Variants in ABCA13 observed in about 807,000 individuals in gnomAD.
ABCA13 encodes the protein ATP-binding cassette sub-family A member 13.
Under a neutral mutation model 478.7 loss-of-function variants are expected in ABCA13, and 476 were observed. That is an observed-to-expected ratio of 0.99 (90% CI 0.92 to 1.07). The LOEUF (loss-of-function observed/expected upper bound fraction) is 1.07. Among genes scored for constraint, ABCA13 ranks in the 50% least tolerant of loss-of-function variants. The pLI is 0.00. For missense variants in ABCA13, 6,060 were observed against 5,910.6 expected, an observed-to-expected ratio of 1.03 and a Z score of -0.83; for synonymous variants, 2,252 against 2,158.9, an observed-to-expected ratio of 1.04 and a Z score of -1.20.
At position 48,594,818 on chromosome 7, in the gene ABCA13, G is replaced by A. The variant is rs370560719; in HGVS notation, c.14744+5G>A. ...TGCGGTGCTGACCTCCCACAGGTGA[G>A]TTCCAGTTTCTCTTGTAGCCATTTC... On this transcript the variant is annotated splice_donor_5th_base_variant and intron_variant, in intron 58 of 61. Coordinates refer to ENST00000435803, the MANE Select transcript of ABCA13 (RefSeq NM_152701.5). 22 of 1,612,698 alleles carry A rather than the reference G, an allele frequency of 1.4e-5. No individual in the cohort carries two copies. Among genetic ancestry groups the A allele is most frequent in the Non-Finnish European group, 1.7e-5 (20 of 1,178,934 alleles).
chr7:48,326,149 G>A (rs576628697), intron 27 of ABCA13, among the ~76,000 whole-genome samples: 69 of 152,310 alleles, frequency 4.5e-4, no homozygotes, highest in African/African-American at 1.6e-3. Context: ...AGCTAGATGT[G>A]GGGGAATCCA....
At chr7:48,534,204 A>G (rs1006267838) in intron 55 of ABCA13, among the ~76,000 whole-genome samples, 3 of 152,096 alleles carry the variant, frequency 2.0e-5, no homozygotes, top group Non-Finnish European at 2.9e-5. Flanking sequence ...TTTGTCTGTA[A>G]AAGACTGTAT....
intron 59 of ABCA13, among the ~76,000 whole-genome samples, chr7:48,636,736 T>C (rs1349903442): frequency 1.3e-5 from 2 of 152,200 alleles, no homozygotes; most frequent in African/African-American, 4.8e-5. Context: ...ATCCCTGGGC[T>C]GTCCGTCCAC....
intron 48 of ABCA13, among the ~76,000 whole-genome samples, chr7:48,490,670 C>G (rs1829758901): frequency 1.3e-5 from 2 of 152,194 alleles, no homozygotes; most frequent in Non-Finnish European, 2.9e-5. Flanking sequence ...TTATATGGAA[C>G]AGTCCAGTTT....
intron 27 of ABCA13, among the ~76,000 whole-genome samples, chr7:48,331,017 C>T (rs1216238917): frequency 6.6e-6 from 1 of 152,104 alleles, no homozygotes; most frequent in East Asian, 1.9e-4. Flanking sequence ...TCCTCTGCCC[C>T]ATTCCCCTTT....
At chr7:48,403,081 G>A (rs1333305237) in intron 38 of ABCA13, among the ~76,000 whole-genome samples, 2 of 152,274 alleles carry the variant, frequency 1.3e-5, no homozygotes, top group Non-Finnish European at 2.9e-5. Flanking sequence ...TTTGCACTGG[G>A]TATCTGAGAT....
At chr7:48,358,450 G>A (rs539634940) in intron 31 of ABCA13, among the ~76,000 whole-genome samples, 27 of 151,950 alleles carry the variant, frequency 1.8e-4, no homozygotes, top group Middle Eastern at 3.4e-3. Flanking sequence ...AAATGACACT[G>A]TAGTGTGCAA....
At chr7:48,440,662 T>C (rs1453162778) in intron 42 of ABCA13, among the ~76,000 whole-genome samples, 2 of 151,866 alleles carry the variant, frequency 1.3e-5, no homozygotes, top group Non-Finnish European at 2.9e-5. Flanking sequence ...AACATTTTGT[T>C]ATCGTGAGAA....
At chr7:48,292,049 A>G (rs943890236) in intron 20 of ABCA13, among the ~76,000 whole-genome samples, 6 of 152,096 alleles carry the variant, frequency 3.9e-5, no homozygotes. Context: ...ATGCAGATTC[A>G]TTTGCAACCT....
At chr7:48,560,094 G>A (rs1038553806) in intron 55 of ABCA13, among the ~76,000 whole-genome samples, 23 of 152,122 alleles carry the variant, frequency 1.5e-4, no homozygotes, top group African/African-American at 5.6e-4. Context: ...ATTTGCCTGG[G>A]AATTTTAGTC....
chr7:48,290,939 GGAAAAAAAAAAAAA>G (rs1398495910), intron 20 of ABCA13, among the ~76,000 whole-genome samples: 6 of 79,612 alleles, frequency 7.5e-5, no homozygotes, highest in African/African-American at 2.6e-4. Context: ...TCACACTCAG[GGAAAAAAAAAAAAA>G]AAAAAAAAAA....
At chr7:48,230,357 G>T (rs1788863233) in intron 7 of ABCA13, among the ~76,000 whole-genome samples, 1 of 152,142 alleles carries the variant, frequency 6.6e-6, no homozygotes, top group Non-Finnish European at 1.5e-5. Flanking sequence ...AGGTTGATGT[G>T]GACTTACAGA....
At chr7:48,452,256 G>C (rs560382567) in intron 42 of ABCA13, among the ~76,000 whole-genome samples, 8 of 152,242 alleles carry the variant, frequency 5.3e-5, no homozygotes, top group Non-Finnish European at 5.9e-5. Context: ...TCATTACATA[G>C]AGGGAAAATA....
At chr7:48,434,909 T>G (rs1382152910) in intron 42 of ABCA13, among the ~76,000 whole-genome samples, 1 of 151,914 alleles carries the variant, frequency 6.6e-6, no homozygotes, top group Non-Finnish European at 1.5e-5. Context: ...TTACCATGGC[T>G]TTGTAGTAAC....
At chr7:48,465,622 T>C (rs1039702117) in intron 43 of ABCA13, among the ~76,000 whole-genome samples, 13 of 151,844 alleles carry the variant, frequency 8.6e-5, no homozygotes, top group Non-Finnish European at 7.4e-5. Context: ...GATACATGCG[T>C]ACGATGTATA....
In ABCA13 at chr7:48,273,850, T is replaced by C. The variant is rs1795947161; in HGVS notation, c.4184T>C (p.Ile1395Thr). The C allele has an allele frequency of 1.9e-6, 3 of 1,612,470 alleles. No homozygotes were observed. Among genetic ancestry groups the C allele is most frequent in the South Asian group, 2.2e-5 (2 of 90,950 alleles). Reference protein sequence around the residue: ...ENTISSLKGCIVWLDVINHLY... With the variant: ...ENTISSLKGCTVWLDVINHLY... Reference sequence around the variant, plus strand: ...ACAATTAGCAGTCTGAAAGGATGCATTGTATGGTTAGATGTCATAAACCAT... The same window carrying C: ...ACAATTAGCAGTCTGAAAGGATGCACTGTATGGTTAGATGTCATAAACCAT... The change falls in exon 17 of 62, where the codon ATT (isoleucine) becomes ACT (threonine). Residue 1395 changes from isoleucine (I) to threonine (T), a missense_variant. By Grantham distance (89) the Ile-to-Thr change is moderately conservative. Transcript: ENST00000435803.
chr7:48,290,028 T>C (rs1798289460), intron 20 of ABCA13, among the ~76,000 whole-genome samples: 1 of 152,194 alleles, frequency 6.6e-6, no homozygotes. Flanking sequence ...TCTAAATAAA[T>C]ATTTTAAATA....
chr7:48,557,465 G>T (rs188571685), intron 55 of ABCA13, among the ~76,000 whole-genome samples: 5 of 152,052 alleles, frequency 3.3e-5, no homozygotes, highest in Non-Finnish European at 7.4e-5. Context: ...ATTTTCACTG[G>T]ATATACTCTT....
chr7:48,455,060 A>C lies in ABCA13; in HGVS notation c.12589A>C (p.Thr4197Pro). The C allele has an allele frequency of 6.5e-7, 1 of 1,537,258 alleles. No individual in the cohort carries two copies. The highest frequency in any genetic ancestry group is 8.7e-7 in the Non-Finnish European group (1 of 1,143,234). ...GYCGSLARPATVQGVQLLRAQ... is the reference protein window; with the variant it reads ...GYCGSLARPAPVQGVQLLRAQ... ...AGGTGGCTCCCTAGCACGGCCCGCAACTGTGCAGGGCGTCCAGCTGCTCCG... is the reference window on the plus strand; with the variant it reads ...AGGTGGCTCCCTAGCACGGCCCGCACCTGTGCAGGGCGTCCAGCTGCTCCG... The change falls in exon 43 of 62, where the codon ACT becomes CCT. Residue 4197 changes from threonine (T) to proline (P), a missense_variant. Physicochemically the swap from Thr to Pro is conservative, Grantham distance 38. This residue lies in a region of ABCA13 where 1,627 missense variants were observed against 1,571.0 expected (regional missense o/e 1.04). Coordinates refer to ENST00000435803, the MANE Select transcript of ABCA13 (RefSeq NM_152701.5).
Sources: gnomAD v4.1 joint callset for allele counts (sites outside exome capture counted in the v4.1 genomes callset) on GRCh38, gnomAD v4.1.1 for gene constraint, gnomAD v4.1.1 regional missense constraint, MANE v1.5 for transcripts, NCBI Gene and HGNC (gene_info 2026-07-23, HGNC 2026-07-21) for gene names.